The following SUPT20H variants were observed in gnomAD, a reference collection of about 807,000 sequenced individuals.
SUPT20H encodes transcription factor SPT20 homolog.
In SUPT20H, 82 loss-of-function variants were observed where a neutral mutation model predicts 122.8. That is an observed-to-expected ratio of 0.67 (90% CI 0.56 to 0.80). SUPT20H has a LOEUF of 0.80. Among genes scored for constraint, SUPT20H ranks in the 30% least tolerant of loss-of-function variants. SUPT20H has a pLI of 0.00. For missense variants in SUPT20H, 831 were observed against 921.6 expected (o/e 0.90, Z 1.27); for synonymous variants, 291 against 313.0 (o/e 0.93, Z 0.74).
chr13:37,049,334 T>C (rs1046160682), intron 2 of SUPT20H, among the ~76,000 whole-genome samples: 6 of 152,216 alleles, frequency 3.9e-5, no homozygotes, highest in African/African-American at 1.4e-4. Flanking sequence ...TAGATCCCTA[T>C]CCGTTCATTT....
intron 17 of SUPT20H, chr13:37,024,884 T>A (rs776533798): frequency 5.8e-6 from 1 of 172,642 alleles, no homozygotes; most frequent in Non-Finnish European, 1.2e-5. Context: ...AGTTAAATAA[T>A]TTTAAAAAAA....
Position 37,058,793 on chromosome 13 carries a change from T to G in SUPT20H, c.-94+766A>C, listed in dbSNP as rs144670966. Among the ~76,000 whole-genome samples the G allele has an allele frequency of 2.4e-3, 371 of 152,286 alleles. 1 individual carries two copies. The highest frequency in any genetic ancestry group is 8.8e-3 in the African/African-American group (364 of 41,552). ...TCAAACCGGCATCTGTTTTTACATTTCTTTAAAAAAAGCAAAGCAATTAAA... is the reference window on the plus strand; with the variant it reads ...TCAAACCGGCATCTGTTTTTACATTGCTTTAAAAAAAGCAAAGCAATTAAA... On this transcript the variant is annotated intron_variant, in intron 1 of 25. Transcript: ENST00000350612.
intron 6 of SUPT20H, 113 bp downstream of exon 6, chr13:37,045,134 T>C: frequency 7.3e-7 from 1 of 1,376,542 alleles, no homozygotes; most frequent in Non-Finnish European, 9.9e-7. Flanking sequence ...TATCACTAGG[T>C]CATCACTATC....
rs201689787 is a variant in SUPT20H, at chr13:37,017,401, A to G, written c.1873-37T>C. The stretch of plus-strand genomic sequence containing the variant: ...TTAAACAAAAATTAACCAATTTCAC[A>G]TGATTTTATATCAAATATTTAAATT... On this transcript the variant is annotated intron_variant, in intron 22 of 25. Transcript: ENST00000350612. 5,560 of 1,553,576 alleles carry G rather than the reference A, an allele frequency of 3.6e-3. 13 individuals carry two copies. The highest frequency in any genetic ancestry group is 4.5e-3 in the Non-Finnish European group (5,149 of 1,143,858).
At chr13:37,021,069 G>A (rs2061399521) in intron 21 of SUPT20H, among the ~76,000 whole-genome samples, 1 of 152,210 alleles carries the variant, frequency 6.6e-6, no homozygotes, top group Admixed American at 6.5e-5. Flanking sequence ...AGCTGAGGTA[G>A]TCTGGCTCCA....
chr13:37,040,555 T>C, intron 8 of SUPT20H, 21 bp downstream of exon 8: 1 of 1,606,692 alleles, frequency 6.2e-7, no homozygotes. Context: ...AAAATAGTAT[T>C]TCTTAATTAA....
At chr13:37,055,559 G>A (rs1311929086) in intron 1 of SUPT20H, among the ~76,000 whole-genome samples, 1 of 152,200 alleles carries the variant, frequency 6.6e-6, no homozygotes, top group Non-Finnish European at 1.5e-5. Flanking sequence ...AAACTGGCTA[G>A]CCATATGTAG....
At position 37,024,017 on chromosome 13, in the gene SUPT20H, A is replaced by G. The variant is rs374506365; in HGVS notation, c.1591+18T>C. ...AAAGCTTATGAAGATTTAATGAAGAATTTAAGTTATGACTCACTTTGTGAT... is the reference window on the plus strand; with the variant it reads ...AAAGCTTATGAAGATTTAATGAAGAGTTTAAGTTATGACTCACTTTGTGAT... On this transcript the variant is annotated intron_variant, in intron 19 of 25. Transcript: ENST00000350612. 1.3e-6 allele frequency: 2 copies of G among 1,588,520 alleles called. No individual in the cohort carries two copies. The highest frequency in any genetic ancestry group is 1.7e-6 in the Non-Finnish European group (2 of 1,170,234).
chr13:37,029,526 A>G (rs1048576696), intron 13 of SUPT20H, among the ~76,000 whole-genome samples: 4 of 152,102 alleles, frequency 2.6e-5, no homozygotes, highest in African/African-American at 9.7e-5. Flanking sequence ...ACTCCATCTC[A>G]AAAAATTAAA....
At chr13:37,045,506 G>C in intron 5 of SUPT20H, 133 bp from the exon 6 acceptor site, 2 of 1,160,724 alleles carry the variant, frequency 1.7e-6, no homozygotes, top group Non-Finnish European at 2.4e-6. Context: ...AATAAATGGA[G>C]AAGGCTCACA....
In SUPT20H at chr13:37,051,540, T is replaced by G. The variant is rs1174978886; in HGVS notation, c.-50A>C. 6.3e-7 allele frequency: 1 copy of G among 1,583,540 alleles called. No individual in the cohort carries two copies. The highest frequency in any genetic ancestry group is 8.7e-7 in the Non-Finnish European group (1 of 1,155,588). On this transcript the variant is annotated 5_prime_UTR_variant, in exon 2 of 26. Transcript: ENST00000350612. Reference sequence around the variant, plus strand: ...AGAAGAGATAACTTATGTACGCTGATGAAGTGGGGTGAACACCATGCCTTT... The same window carrying G: ...AGAAGAGATAACTTATGTACGCTGAGGAAGTGGGGTGAACACCATGCCTTT...
At position 37,010,995 on chromosome 13, in the gene SUPT20H, A is replaced by G. The variant is rs2059522158; in HGVS notation, c.2099-340T>C. 3 of 175,290 alleles carry G rather than the reference A, an allele frequency of 1.7e-5. 1 individual carries two copies. In the South Asian group the frequency reaches 4.5e-4, roughly 26 times the overall value. 10.9% of individuals were successfully genotyped at this position (175,290 alleles called of 1,614,324 possible). On this transcript the variant is annotated intron_variant, in intron 24 of 25. Transcript: ENST00000350612. ...GAAATAAAACCAACAAAGTAGGAGA[A>G]GGGAGATGGAAGAAATCCAAACTAT...
At position 37,010,813 on chromosome 13, in the gene SUPT20H, G is replaced by A. The variant is rs2059473091; in HGVS notation, c.2099-158C>T. ...CATTTCAGAATAAATTTAGTATATG[G>A]TCTCCTGTTAGTTGGGGGTACCACT... On this transcript the variant is annotated intron_variant, in intron 24 of 25. Transcript: ENST00000350612. 3 of 556,504 alleles carry A rather than the reference G, an allele frequency of 5.4e-6. No homozygotes were observed. The South Asian group carries it at 7.3e-5, about 14-fold the overall frequency. 34.5% of individuals were successfully genotyped at this position (556,504 alleles called of 1,614,324 possible).
rs185715633 is a variant in SUPT20H, at chr13:37,033,994, T to C, written c.568-406A>G. Among the ~76,000 whole-genome samples, 6 of 152,340 alleles carry C rather than the reference T, an allele frequency of 3.9e-5. No individual in the cohort carries two copies. The East Asian group carries it at 9.6e-4, about 24-fold the overall frequency. ...AAATCTATTATGGTGATCTGTGATA[T>C]TCAATGTGTACTAAATCAAGAAATG... On this transcript the variant is annotated intron_variant, in intron 9 of 25. Coordinates refer to ENST00000350612, the MANE Select transcript of SUPT20H (RefSeq NM_001014286.3).
chr13:37,035,149 A>C (rs1343383493), intron 9 of SUPT20H, among the ~76,000 whole-genome samples: 1 of 152,200 alleles, frequency 6.6e-6, no homozygotes, highest in East Asian at 1.9e-4. Context: ...TTTGACTTTC[A>C]AGTCTTAATA....
chr13:37,011,177 C>CA (rs1270138512), intron 24 of SUPT20H, among the ~76,000 whole-genome samples: 8 of 152,234 alleles, frequency 5.3e-5, no homozygotes, highest in African/African-American at 1.9e-4. Flanking sequence ...GTTCAACACT[C>CA]ATTTTACATA....
chr13:37,051,633 A>AG (rs5802853), intron 1 of SUPT20H, 50 bp from the exon 2 acceptor site: 447,544 of 510,668 alleles, frequency 0.88, 198,254 homozygotes, highest in East Asian at 0.99. Context: ...GGCTATTAAG[A>AG]GAAAAAAAAA....
chr13:37,033,344 C>G, intron 10 of SUPT20H, 105 bp downstream of exon 10: 1 of 1,407,094 alleles, frequency 7.1e-7, no homozygotes, highest in Non-Finnish European at 9.6e-7. Flanking sequence ...CTACCCTTCC[C>G]CACCAAAATC....
intron 19 of SUPT20H, chr13:37,023,145 A>G: frequency 9.5e-7 from 1 of 1,056,416 alleles, no homozygotes; most frequent in South Asian, 1.7e-5. Context: ...ATCCATACCC[A>G]CAACATAAGA....
Sources: gnomAD v4.1 joint callset for allele counts (sites outside exome capture counted in the v4.1 genomes callset) on GRCh38, gnomAD v4.1.1 for gene constraint, MANE v1.5 for transcripts, NCBI Gene and HGNC (gene_info 2026-07-23, HGNC 2026-07-21) for gene names.